Variants in MYCBP2 observed in about 807,000 individuals in gnomAD.
The protein encoded by MYCBP2 is MYC binding protein 2.
Under a neutral mutation model 525.3 loss-of-function variants are expected in MYCBP2, and 120 were observed. The observed-to-expected ratio is 0.23, with a 90% CI of 0.20 to 0.27. The LOEUF is 0.27. MYCBP2 is among the 10% of genes least tolerant of loss of function. The pLI is 1.00. For missense variants in MYCBP2, 4,149 were observed against 5,657.1 expected (o/e 0.73, Z 8.55); for synonymous variants, 1,894 against 1,955.8 (o/e 0.97, Z 0.83).
intron 5 of MYCBP2, among the ~76,000 whole-genome samples, chr13:77,272,835 A>G (rs558303318): frequency 1.3e-5 from 2 of 152,330 alleles, no homozygotes; most frequent in South Asian, 4.1e-4. Flanking sequence ...AGGGTTGCCC[A>G]AGGGGCCAGA....
In MYCBP2 at chr13:77,125,462, T is replaced by C; in HGVS notation, c.7891A>G (p.Asn2631Asp). The C allele has an allele frequency of 6.2e-7, 1 of 1,613,414 alleles. No homozygotes were observed. The highest frequency in any genetic ancestry group is 8.5e-7 in the Non-Finnish European group (1 of 1,179,626). ...NKVKAVGEVT[N>D]SEGTWVQLDQ... ...AGTTGCACCCATGTCCCTTCAGAAT[T>C]GGTTACCTGGTACATAACAAAAAGC... The change falls in exon 54 of 83, where the codon AAT (asparagine) becomes GAT (aspartate). Residue 2631 changes from asparagine to aspartate, a missense_variant. Physicochemically the swap from Asn to Asp is conservative, Grantham distance 23. Coordinates refer to ENST00000544440, the MANE Select transcript of MYCBP2 (RefSeq NM_015057.5).
At chr13:77,182,501 T>C (rs2060303056) in intron 32 of MYCBP2, among the ~76,000 whole-genome samples, 1 of 152,242 alleles carries the variant, frequency 6.6e-6, no homozygotes, top group African/African-American at 2.4e-5. Flanking sequence ...CCTTCAAACA[T>C]CTGTGTTACA....
At chr13:77,209,284 G>A (rs1244626944) in intron 23 of MYCBP2, among the ~76,000 whole-genome samples, 1 of 152,180 alleles carries the variant, frequency 6.6e-6, no homozygotes, top group East Asian at 1.9e-4. Flanking sequence ...AATGGTTCTA[G>A]TTCAAGTAAG....
chr13:77,288,108 C>A, intron 3 of MYCBP2, 53 bp downstream of exon 3: 1 of 1,563,880 alleles, frequency 6.4e-7, no homozygotes. Flanking sequence ...TGCATTATAG[C>A]CAGAACACCT....
chr13:77,314,308 C>A (rs1475502473), intron 1 of MYCBP2, among the ~76,000 whole-genome samples: 2 of 152,166 alleles, frequency 1.3e-5, no homozygotes, highest in South Asian at 4.1e-4. Context: ...AAAACCTGCA[C>A]ACAGATGTTT....
At position 77,158,043 on chromosome 13, in the gene MYCBP2, C is replaced by T; in HGVS notation, c.6664G>A (p.Glu2222Lys). 1 of 1,613,384 alleles carries T rather than the reference C, an allele frequency of 6.2e-7. No homozygotes were observed. Among genetic ancestry groups the T allele is most frequent in the Non-Finnish European group, 8.5e-7 (1 of 1,179,592 alleles). The change falls in exon 45 of 83, where the codon GAA (glutamate) becomes AAA (lysine). Residue 2222 changes from glutamate (E) to lysine (K), a missense_variant. Around this residue, in one of 21 missense-constraint regions of MYCBP2, gnomAD observed 692 missense variants for 852.7 expected, o/e 0.81. Transcript: ENST00000544440. ...AGTGGTAAATTTCCCTCAAGTGCTT[C>T]TAATATAGTTGGTGAATGAGAAAGA... ...LALSHSPTIL[E>K]ALEGNLPLQI...
chr13:77,240,857 T>C (rs552875528), intron 17 of MYCBP2, among the ~76,000 whole-genome samples: 13 of 152,248 alleles, frequency 8.5e-5, no homozygotes, highest in African/African-American at 3.1e-4. Context: ...CAAGAAAAGA[T>C]ATTCACTATA....
rs144132500 is a variant in MYCBP2 at position 77,253,577 on chromosome 13, C to A, written c.2177-2222G>T. Among the ~76,000 whole-genome samples, 6 of 151,994 alleles carry A rather than the reference C, an allele frequency of 3.9e-5. No individual in the cohort carries two copies. In the East Asian group the frequency reaches 1.2e-3, roughly 29 times the overall value. ...AAGAAAACTAATTTATGGTAATTAA[C>A]TGAAGGGCAGAGAGGAACATACAGT... On this transcript the variant is annotated intron_variant, in intron 14 of 82. Coordinates refer to ENST00000544440, the MANE Select transcript of MYCBP2 (RefSeq NM_015057.5).
chr13:77,263,919 G>A lies in MYCBP2; in HGVS notation c.1431+10C>T, dbSNP rs926997470. On this transcript the variant is annotated intron_variant, in intron 9 of 82. Coordinates refer to ENST00000544440, the MANE Select transcript of MYCBP2 (RefSeq NM_015057.5). ...ATTTACACTAGCTACTTAAGATTCA[G>A]GATACTTACATCTCTTGAAGCAGCT... 36 of 1,609,318 alleles carry A rather than the reference G, an allele frequency of 2.2e-5. No individual in the cohort carries two copies. The highest frequency in any genetic ancestry group is 3.1e-5 in the Non-Finnish European group (36 of 1,177,026).
In MYCBP2 at chr13:77,098,492, G is replaced by A. The variant is rs1255824916; in HGVS notation, c.8662C>T (p.Leu2888Phe). ...GACCGTCCTCTCAAAGGTTCTGTGA[G>A]GGGCATTTTCTTCTTGCGGAGGGTA... Reference protein sequence around the residue: ...PDTLRKKKMPLTEPLRGRSTS... With the variant: ...PDTLRKKKMPFTEPLRGRSTS... Residue 2888 changes from leucine to phenylalanine, a missense_variant, in exon 56 of 83, where the codon CTC (leucine) becomes TTC (phenylalanine). Around this residue, in one of 21 missense-constraint regions of MYCBP2, gnomAD observed 653 missense variants for 744.7 expected, o/e 0.88. Coordinates refer to ENST00000544440, the MANE Select transcript of MYCBP2 (RefSeq NM_015057.5). The A allele has an allele frequency of 6.2e-7, 1 of 1,613,590 alleles. No individual in the cohort carries two copies. The highest frequency in any genetic ancestry group is 1.7e-5 in the Admixed American group (1 of 59,898).
chr13:77,192,411 A>T (rs1036479946), intron 27 of MYCBP2, among the ~76,000 whole-genome samples: 1 of 152,218 alleles, frequency 6.6e-6, no homozygotes, highest in Non-Finnish European at 1.5e-5. Flanking sequence ...CTATACAAAC[A>T]TTATTAATTT....
chr13:77,162,646 C>T (rs1197304064), intron 43 of MYCBP2, among the ~76,000 whole-genome samples: 1 of 152,110 alleles, frequency 6.6e-6, no homozygotes, highest in Non-Finnish European at 1.5e-5. Context: ...GTTTCAACCA[C>T]ACATAAACAT....
At chr13:77,116,863 T>C (rs1043689721) in intron 55 of MYCBP2, among the ~76,000 whole-genome samples, 2 of 152,092 alleles carry the variant, frequency 1.3e-5, no homozygotes, top group South Asian at 2.1e-4. Flanking sequence ...TAATTATGCT[T>C]GTTTTTGTAA....
intron 79 of MYCBP2, 65 bp downstream of exon 79, chr13:77,056,921 T>C: frequency 7.8e-7 from 1 of 1,278,346 alleles, no homozygotes; most frequent in Non-Finnish European, 1.1e-6. Context: ...CATATGTTTA[T>C]TTTGAAAGGT....
intron 55 of MYCBP2, chr13:77,103,181 G>T (rs1393976408): frequency 7.6e-6 from 3 of 397,282 alleles, no homozygotes; most frequent in Non-Finnish European, 1.3e-5. Flanking sequence ...ATTAAGAATG[G>T]CCCATCCATG....
At position 77,236,262 on chromosome 13, in the gene MYCBP2, G is replaced by A. The variant is rs17067337; in HGVS notation, c.2630-2999C>T. ...TGATTTATTTCTTTCATTGGGAGAGGAGTGAGTAAAATAGGGGTATGAGAT... is the reference window on the plus strand; with the variant it reads ...TGATTTATTTCTTTCATTGGGAGAGAAGTGAGTAAAATAGGGGTATGAGAT... On this transcript the variant is annotated intron_variant, in intron 17 of 82. Transcript: ENST00000544440. Among the ~76,000 whole-genome samples the A allele has an allele frequency of 3.3e-3, 505 of 152,244 alleles. 4 individuals carry two copies. Among genetic ancestry groups the A allele is most frequent in the African/African-American group, 0.011 (475 of 41,556 alleles).
intron 52 of MYCBP2, among the ~76,000 whole-genome samples, chr13:77,127,722 T>G (rs1289096053): frequency 6.6e-6 from 1 of 151,894 alleles, no homozygotes; most frequent in African/African-American, 2.4e-5. Context: ...TATGTATACA[T>G]GTTCATACAC....
intron 43 of MYCBP2, among the ~76,000 whole-genome samples, chr13:77,162,184 G>A (rs2296855): frequency 0.57 from 86,816 of 151,984 alleles, 28,212 homozygotes; most frequent in Non-Finnish European, 0.73. Context: ...AGCATCCATG[G>A]GTGATTTGCC....
intron 55 of MYCBP2, among the ~76,000 whole-genome samples, chr13:77,100,826 G>A (rs975113647): frequency 1.3e-5 from 2 of 151,928 alleles, no homozygotes; most frequent in Non-Finnish European, 2.9e-5. Context: ...ATGGGGCTAA[G>A]TTTTGAAAAA....
Sources: allele counts gnomAD v4.1 joint callset (sites outside exome capture counted in the v4.1 genomes callset), GRCh38; gene constraint gnomAD v4.1.1; regional missense constraint gnomAD v4.1.1; transcripts MANE v1.5; gene names NCBI Gene and HGNC (gene_info 2026-07-23, HGNC 2026-07-21).